Variants in LYPD6B observed in about 807,000 individuals in gnomAD.
LYPD6B encodes the protein ly6/PLAUR domain-containing protein 6B.
Under a neutral mutation model 22.8 loss-of-function variants are expected in LYPD6B, and 17 were observed. The ratio of observed to expected loss-of-function variants is 0.75; its 90% CI spans 0.51 to 1.12. The LOEUF is 1.12. Ranked by LOEUF, LYPD6B falls within the 50% of genes most tolerant of loss-of-function variation. The pLI, the probability that LYPD6B is intolerant of heterozygous loss-of-function variation, is 0.00. For synonymous variants in LYPD6B, 106 were observed against 91.6 expected, an observed-to-expected ratio of 1.16 and a Z score of -0.90; for missense variants, 221 against 258.3, an observed-to-expected ratio of 0.86 and a Z score of 0.99.
intron 3 of LYPD6B, among the ~76,000 whole-genome samples, chr2:149,172,729 A>T (rs1359811558): frequency 6.6e-6 from 1 of 152,126 alleles, no homozygotes; most frequent in Non-Finnish European, 1.5e-5. Context: ...GTAGGTGGGT[A>T]CTGTCCAATC....
chr2:149,187,709 C>T (rs1692215321), intron 3 of LYPD6B: 5 of 441,276 alleles, frequency 1.1e-5, no homozygotes, highest in South Asian at 1.9e-4. Flanking sequence ...ACATAAAATA[C>T]GCTAACACTA....
chr2:149,147,663 G>A (rs1223235558), intron 2 of LYPD6B, among the ~76,000 whole-genome samples: 4 of 151,990 alleles, frequency 2.6e-5, no homozygotes, highest in African/African-American at 4.8e-5. Flanking sequence ...ACAGATGAGC[G>A]CCACCACGCC....
intron 1 of LYPD6B, among the ~76,000 whole-genome samples, chr2:149,044,868 A>G (rs1053893382): frequency 1.3e-5 from 2 of 152,004 alleles, no homozygotes; most frequent in Admixed American, 1.3e-4. Context: ...TGACAGAACC[A>G]TATGAGTTTT....
chr2:149,106,303 G>T (rs1180477982), intron 1 of LYPD6B, among the ~76,000 whole-genome samples: 1 of 152,042 alleles, frequency 6.6e-6, no homozygotes, highest in Non-Finnish European at 1.5e-5. Context: ...TGATTTCATG[G>T]AATAAGTATT....
chr2:149,095,669 C>G (rs1303799805), intron 1 of LYPD6B, among the ~76,000 whole-genome samples: 1 of 151,816 alleles, frequency 6.6e-6, no homozygotes, highest in Non-Finnish European at 1.5e-5. Context: ...AGCAAGAGAT[C>G]TCAAGTAAGT....
chr2:149,206,595 C>A (rs1030370474), intron 4 of LYPD6B, among the ~76,000 whole-genome samples: 2 of 151,906 alleles, frequency 1.3e-5, no homozygotes, highest in African/African-American at 4.8e-5. Context: ...AGAAAAAAAT[C>A]ATTTTAAAAA....
At chr2:149,136,808 T>C (rs1688397815) in intron 2 of LYPD6B, among the ~76,000 whole-genome samples, 1 of 152,226 alleles carries the variant, frequency 6.6e-6, no homozygotes, top group African/African-American at 2.4e-5. Context: ...AAAATGTTTT[T>C]AGGCAGCTTA....
intron 1 of LYPD6B, chr2:149,068,627 C>CTTA (rs1684450830): frequency 2.0e-6 from 1 of 494,586 alleles, no homozygotes; most frequent in African/African-American, 2.0e-5. Context: ...CAAGATTTTC[C>CTTA]TTATTATTAT....
chr2:149,078,599 A>C (rs1355001730), intron 1 of LYPD6B, among the ~76,000 whole-genome samples: 1 of 152,230 alleles, frequency 6.6e-6, no homozygotes, highest in East Asian at 1.9e-4. Flanking sequence ...GTCTCGTTTT[A>C]AAATTTGAAA....
chr2:149,169,101 GATTCAGATTAATTAGGAAATGATTA>G (rs1457489770), intron 3 of LYPD6B, among the ~76,000 whole-genome samples: 1 of 152,140 alleles, frequency 6.6e-6, no homozygotes, highest in Non-Finnish European at 1.5e-5. Context: ...ATGGTAAGGA[GATTCAGATTAATTAGGAAATGATTA>G]ATTCAGATTA....
intron 6 of LYPD6B, 147 bp from the exon 7 acceptor site, chr2:149,214,399 A>C: frequency 2.7e-5 from 19 of 704,296 alleles, no homozygotes; most frequent in East Asian, 5.4e-5. Flanking sequence ...AGGGTACCCA[A>C]GAGCCTAGAT....
At chr2:149,104,955 C>T (rs1005063597) in intron 1 of LYPD6B, among the ~76,000 whole-genome samples, 10 of 151,966 alleles carry the variant, frequency 6.6e-5, no homozygotes, top group East Asian at 3.8e-4. Context: ...TTATGGGGTA[C>T]GATGTGATGT....
intron 3 of LYPD6B, among the ~76,000 whole-genome samples, chr2:149,178,324 T>G (rs1160132697): frequency 6.6e-6 from 1 of 152,212 alleles, no homozygotes; most frequent in African/African-American, 2.4e-5. Context: ...TTTTCATCTT[T>G]TAGAAATTTA....
chr2:149,183,410 G>A (rs1320578531), intron 3 of LYPD6B, among the ~76,000 whole-genome samples: 1 of 151,902 alleles, frequency 6.6e-6, no homozygotes, highest in Admixed American at 6.6e-5. Flanking sequence ...CCTAACCAGT[G>A]TGCTTGCTTT....
At chr2:149,097,387 G>A (rs891460471) in intron 1 of LYPD6B, among the ~76,000 whole-genome samples, 4 of 152,254 alleles carry the variant, frequency 2.6e-5, no homozygotes, top group African/African-American at 9.6e-5. Context: ...AACACATTGT[G>A]GAGGGAAGTA....
chr2:149,127,635 T>C (rs1389885341), intron 1 of LYPD6B, among the ~76,000 whole-genome samples: 4 of 152,232 alleles, frequency 2.6e-5, no homozygotes, highest in African/African-American at 9.6e-5. Flanking sequence ...ATGTACTTTC[T>C]TGGGACATTT....
At chr2:149,068,376 A>T (rs1321910536) in intron 1 of LYPD6B, among the ~76,000 whole-genome samples, 1 of 152,198 alleles carries the variant, frequency 6.6e-6, no homozygotes, top group East Asian at 1.9e-4. Context: ...AGAGGAACAC[A>T]GTTCAGAAAC....
At chr2:149,110,074 T>C (rs561680428) in intron 1 of LYPD6B, among the ~76,000 whole-genome samples, 39 of 152,212 alleles carry the variant, frequency 2.6e-4, no homozygotes, top group Non-Finnish European at 5.1e-4. Flanking sequence ...TTTCTATGAC[T>C]ATATTGTGAA....
At chr2:149,060,623 C>G (rs1287682957) in intron 1 of LYPD6B, among the ~76,000 whole-genome samples, 2 of 152,106 alleles carry the variant, frequency 1.3e-5, no homozygotes, top group East Asian at 3.9e-4. Flanking sequence ...GGGACCCAAG[C>G]TGAGGGCAGT....
Sources: allele counts gnomAD v4.1 joint callset (sites outside exome capture counted in the v4.1 genomes callset), GRCh38; gene constraint gnomAD v4.1.1; transcripts MANE v1.5; gene names NCBI Gene and HGNC (gene_info 2026-07-23, HGNC 2026-07-21).